Variants in KDM7A observed in about 807,000 individuals in gnomAD.
KDM7A encodes the protein lysine demethylase 7A, also known as lysine-specific demethylase 7A.
A neutral mutation model predicts 114.8 loss-of-function variants in KDM7A; 28 were observed. The observed-to-expected ratio is 0.24, with a 90% CI of 0.18 to 0.33. The LOEUF (loss-of-function observed/expected upper bound fraction) is 0.33. Among genes scored for constraint, KDM7A ranks in the 10% least tolerant of loss-of-function variants. The pLI, the probability that KDM7A is intolerant of heterozygous loss-of-function variation, is 1.00. For missense variants in KDM7A, 942 were observed against 1,142.5 expected (o/e 0.82, Z 2.53); for synonymous variants, 423 against 397.8 (o/e 1.06, Z -0.75).
intron 18 of KDM7A, among the ~76,000 whole-genome samples, 168 bp downstream of exon 18, chr7:140,093,888 C>T (rs886201374): frequency 3.3e-5 from 5 of 152,302 alleles, no homozygotes; most frequent in African/African-American, 9.6e-5. Context: ...GTTATCATTT[C>T]GGCATCTCTC....
intron 2 of KDM7A, among the ~76,000 whole-genome samples, chr7:140,136,509 G>C (rs537533333): frequency 6.6e-6 from 1 of 152,196 alleles, no homozygotes. Flanking sequence ...TGTTTGGATT[G>C]CATGTGCCTA....
rs368864365 is a variant in KDM7A, at chr7:140,106,963, G to C, written c.1428+4132C>G. On this transcript the variant is annotated intron_variant, in intron 11 of 19. Transcript: ENST00000397560. ...TCTAAGGACTTGCTTTATGAATCTG[G>C]GTGCATATATATTTAGGATAGTTAG... 6.6e-5 allele frequency among the ~76,000 whole-genome samples: 10 copies of C among 152,200 alleles called. No individual in the cohort carries two copies. The East Asian group carries it at 1.2e-3, about 18-fold the overall frequency.
intron 9 of KDM7A, among the ~76,000 whole-genome samples, chr7:140,114,221 G>C (rs1049694635): frequency 2.0e-5 from 3 of 152,136 alleles, no homozygotes; most frequent in Non-Finnish European, 4.4e-5. Flanking sequence ...ATGCCAAGCG[G>C]AAGCTGGACT....
intron 18 of KDM7A, among the ~76,000 whole-genome samples, chr7:140,093,496 ATTCT>A (rs1818056753): frequency 6.6e-6 from 1 of 152,104 alleles, no homozygotes; most frequent in Non-Finnish European, 1.5e-5. Context: ...GAGAACTTTG[ATTCT>A]TTCTTTGGCT....
intron 2 of KDM7A, among the ~76,000 whole-genome samples, chr7:140,135,410 C>T (rs933192559): frequency 1.3e-5 from 2 of 152,022 alleles, no homozygotes; most frequent in African/African-American, 4.8e-5. Context: ...ACCATGTTGG[C>T]CAGGATGGTC....
At chr7:140,134,436 T>C (rs1229960217) in intron 2 of KDM7A, among the ~76,000 whole-genome samples, 1 of 152,144 alleles carries the variant, frequency 6.6e-6, no homozygotes, top group African/African-American at 2.4e-5. Flanking sequence ...GGAAGAACCC[T>C]TCACAAAGGG....
chr7:140,172,180 T>C (rs1396114370), intron 1 of KDM7A, among the ~76,000 whole-genome samples: 1 of 152,208 alleles, frequency 6.6e-6, no homozygotes, highest in South Asian at 2.1e-4. Flanking sequence ...CAAGCATCTA[T>C]ACCCTTTGAC....
rs893470373 is a variant in KDM7A, at chr7:140,167,128, G to T, written c.194+9616C>A. Among the ~76,000 whole-genome samples the T allele has an allele frequency of 2.6e-5, 4 of 152,024 alleles. No homozygotes were observed. The East Asian group carries it at 5.8e-4, about 22-fold the overall frequency. On this transcript the variant is annotated intron_variant, in intron 1 of 19. Coordinates refer to ENST00000397560, the MANE Select transcript of KDM7A (RefSeq NM_030647.2). ...GATATAAATAAAATAAATAAAAGAG[G>T]TAATACTATTCTCAGAGAGAAGGAC...
Position 140,133,589 on chromosome 7 carries a change from T to C in KDM7A, c.348A>G (p.Gln116=). 6.2e-7 allele frequency: 1 copy of C among 1,612,838 alleles called. No homozygotes were observed. Among genetic ancestry groups the C allele is most frequent in the South Asian group, 1.1e-5 (1 of 91,016 alleles). ...CCTTAATGAAAGTTCTAGTTCCAGC[T>C]TGCACTGGTTTGGAACCATCATCAA... is the stretch of plus-strand genomic sequence containing the variant. ...TEIDDGSKPV[Q]AGTRTFIKEL... Residue 116 remains glutamine (Q), a synonymous_variant, in exon 3 of 20, where the codon CAA becomes CAG. Coordinates refer to ENST00000397560, the MANE Select transcript of KDM7A (RefSeq NM_030647.2).
rs1009043076 is a variant in KDM7A at position 140,088,809 on chromosome 7, C to T, written c.*2285G>A. On this transcript the variant is annotated 3_prime_UTR_variant, in exon 20 of 20. Transcript: ENST00000397560. Reference sequence around the variant, plus strand: ...GCTACTCCAAATTAGTACTTCTCAGCCTAAGGACACAGTGGATACTGGCCA... The same window carrying T: ...GCTACTCCAAATTAGTACTTCTCAGTCTAAGGACACAGTGGATACTGGCCA... 3.2e-6 allele frequency: 1 copy of T among 314,694 alleles called. No homozygotes were observed. Among genetic ancestry groups the T allele is most frequent in the Non-Finnish European group, 5.7e-6 (1 of 174,618 alleles). 19.5% of individuals were successfully genotyped at this position (314,694 alleles called of 1,614,324 possible).
chr7:140,164,089 T>C (rs779452390), intron 1 of KDM7A, among the ~76,000 whole-genome samples: 27 of 152,154 alleles, frequency 1.8e-4, no homozygotes, highest in African/African-American at 6.3e-4. Context: ...ACCACTCTCC[T>C]GTGAAATTTT....
rs147803817 is a variant in KDM7A, at chr7:140,112,543, G to A, written c.1338+948C>T. Among the ~76,000 whole-genome samples the A allele has an allele frequency of 1.6e-3, 246 of 151,942 alleles. 2 individuals carry two copies. The highest frequency in any genetic ancestry group is 5.7e-3 in the African/African-American group (234 of 41,394). On this transcript the variant is annotated intron_variant, in intron 10 of 19. Transcript: ENST00000397560. ...GGAGAATCACTTGAACCCAGGAGGC[G>A]TAGGTTGCAGCGAGCCGAGATCGCA... is the stretch of plus-strand genomic sequence containing the variant.
chr7:140,159,457 G>A (rs1383704956), intron 1 of KDM7A, among the ~76,000 whole-genome samples: 1 of 152,202 alleles, frequency 6.6e-6, no homozygotes, highest in Non-Finnish European at 1.5e-5. Flanking sequence ...CCAGGTCCTT[G>A]AATGGATGAG....
chr7:140,126,688 T>C lies in KDM7A; in HGVS notation c.837A>G (p.Thr279=), dbSNP rs1222372780. 2 of 1,613,672 alleles carry C rather than the reference T, an allele frequency of 1.2e-6. No homozygotes were observed. Among genetic ancestry groups the C allele is most frequent in the South Asian group, 1.1e-5 (1 of 90,994 alleles). ...YCLMGVQDSY[T]DFHIDFGGTS... is the part of the protein sequence containing the mutation. ...TTCCACCGAAGTCAATGTGGAAATCTGTATAGCTGTCTTGAACTCCCATTA... is the reference window on the plus strand; with the variant it reads ...TTCCACCGAAGTCAATGTGGAAATCCGTATAGCTGTCTTGAACTCCCATTA... The change falls in exon 6 of 20, where the codon ACA becomes ACG. Residue 279 remains threonine (T), a synonymous_variant. Coordinates refer to ENST00000397560, the MANE Select transcript of KDM7A (RefSeq NM_030647.2).
intron 10 of KDM7A, among the ~76,000 whole-genome samples, chr7:140,111,684 C>A (rs1014111003): frequency 2.6e-5 from 4 of 152,102 alleles, no homozygotes; most frequent in Admixed American, 6.5e-5. Flanking sequence ...GAAGGCCGGG[C>A]GCAGTGACTC....
At chr7:140,169,522 G>T (rs1794615195) in intron 1 of KDM7A, among the ~76,000 whole-genome samples, 2 of 151,868 alleles carry the variant, frequency 1.3e-5, no homozygotes, top group African/African-American at 4.8e-5. Flanking sequence ...CAAACTAATG[G>T]GGTTTTTTTG....
chr7:140,106,956 G>A (rs766895390), intron 11 of KDM7A, among the ~76,000 whole-genome samples: 2 of 151,950 alleles, frequency 1.3e-5, no homozygotes, highest in Non-Finnish European at 2.9e-5. Flanking sequence ...CTTGCTTTAT[G>A]AATCTGGGTG....
rs576943243 is a variant in KDM7A, at chr7:140,148,645, G to C, written c.195-9455C>G. Among the ~76,000 whole-genome samples the C allele has an allele frequency of 4.2e-3, 645 of 152,168 alleles. 7 individuals are homozygous for C. The highest frequency in any genetic ancestry group is 0.015 in the African/African-American group (622 of 41,532). On this transcript the variant is annotated intron_variant, in intron 1 of 19. Transcript: ENST00000397560. ...CATTTTCACTTTTAAATTGTTAATC[G>C]TTTTATACAATGTTTTAACCCTGAG...
At chr7:140,134,895 A>C (rs1043514221) in intron 2 of KDM7A, among the ~76,000 whole-genome samples, 1 of 152,122 alleles carries the variant, frequency 6.6e-6, no homozygotes, top group African/African-American at 2.4e-5. Context: ...ATACAACAAC[A>C]TTGGGTCCTC....
Sources: allele counts gnomAD v4.1 joint callset (sites outside exome capture counted in the v4.1 genomes callset), GRCh38; gene constraint gnomAD v4.1.1; transcripts MANE v1.5; gene names NCBI Gene and HGNC (gene_info 2026-07-23, HGNC 2026-07-21).